ARHGEF7: variants seen among roughly 807,000 people sequenced by gnomAD.
The protein encoded by ARHGEF7 is PAK-interacting exchange factor beta.
A neutral mutation model predicts 109.8 loss-of-function variants in ARHGEF7; 33 were observed. The observed-to-expected ratio is 0.30, with a 90% CI of 0.23 to 0.40. The LOEUF (loss-of-function observed/expected upper bound fraction) is 0.40, where lower values mean the gene tolerates loss of function less well. ARHGEF7 is among the 10% of genes least tolerant of loss of function. ARHGEF7 has a pLI of 1.00. For missense variants in ARHGEF7, 938 were observed against 1,098.5 expected (o/e 0.85, Z 2.07); for synonymous variants, 458 against 424.6 (o/e 1.08, Z -0.97).
At chr13:111,194,715 T>A (rs2080289626) in intron 2 of ARHGEF7, among the ~76,000 whole-genome samples, 1 of 152,200 alleles carries the variant, frequency 6.6e-6, no homozygotes, top group Non-Finnish European at 1.5e-5. Context: ...ACTTGAGAAG[T>A]GGCCTAGATC....
At chr13:111,166,186 A>G (rs2077111116) in intron 2 of ARHGEF7, among the ~76,000 whole-genome samples, 2 of 152,122 alleles carry the variant, frequency 1.3e-5, no homozygotes, top group Admixed American at 1.3e-4. Context: ...TTTTTTTCTG[A>G]AACGCAAGGC....
At chr13:111,119,152 G>A (rs2067003015) in intron 1 of ARHGEF7, among the ~76,000 whole-genome samples, 1 of 152,224 alleles carries the variant, frequency 6.6e-6, no homozygotes, top group Non-Finnish European at 1.5e-5. Context: ...TGTCCGTGCT[G>A]TGGTTTCTTC....
At chr13:111,187,993 G>C (rs1166432192) in intron 2 of ARHGEF7, among the ~76,000 whole-genome samples, 2 of 152,194 alleles carry the variant, frequency 1.3e-5, no homozygotes, top group African/African-American at 4.8e-5. Context: ...TCTTTTCCTT[G>C]AGTACAGGTG....
intron 2 of ARHGEF7, among the ~76,000 whole-genome samples, chr13:111,189,192 G>A (rs991867586): frequency 6.6e-6 from 1 of 152,232 alleles, no homozygotes; most frequent in Non-Finnish European, 1.5e-5. Flanking sequence ...TGGAGCTGGT[G>A]TCTGCCTCTT....
At chr13:111,161,521 G>C (rs1211666272) in intron 2 of ARHGEF7, among the ~76,000 whole-genome samples, 5 of 152,114 alleles carry the variant, frequency 3.3e-5, no homozygotes, top group African/African-American at 1.2e-4. Context: ...AACAGTGCCT[G>C]GTAAGTTGGA....
At chr13:111,161,245 G>A (rs1343270786) in intron 2 of ARHGEF7, among the ~76,000 whole-genome samples, 3 of 152,224 alleles carry the variant, frequency 2.0e-5, no homozygotes, top group African/African-American at 7.2e-5. Flanking sequence ...CTCACAGCTA[G>A]TAATTGTGAC....
intron 8 of ARHGEF7, among the ~76,000 whole-genome samples, chr13:111,265,174 GA>G: frequency 1.3e-5 from 2 of 150,244 alleles, no homozygotes; most frequent in Admixed American, 1.3e-4. Context: ...GGGAATGCTT[GA>G]GTCTGAGGAG....
chr13:111,199,185 G>T (rs2080921723), intron 2 of ARHGEF7, among the ~76,000 whole-genome samples: 1 of 152,190 alleles, frequency 6.6e-6, no homozygotes, highest in African/African-American at 2.4e-5. Context: ...GGCATCACTG[G>T]GCTGGATGTA....
At position 111,280,215 on chromosome 13, in the gene ARHGEF7, C is replaced by A. The variant is rs959400738; in HGVS notation, c.1507-57C>A. 1.1e-5 allele frequency: 17 copies of A among 1,512,958 alleles called. No homozygotes were observed. The East Asian group carries it at 3.9e-4, about 35-fold the overall frequency. The allele number at this position is 1,512,958 out of a possible 1,614,324, so 93.7% of individuals were successfully genotyped here. The stretch of plus-strand genomic sequence containing the variant: ...TTTAATATTGACTTTAATAATGGTA[C>A]CTTTTTCTAGAAAAGCACTAATTGT... On this transcript the variant is annotated intron_variant, in intron 13 of 21. Transcript: ENST00000646102.
At position 111,173,837 on chromosome 13, in the gene ARHGEF7, C is replaced by T. The variant is rs191473869; in HGVS notation, c.252+19846C>T. Among the ~76,000 whole-genome samples the T allele has an allele frequency of 1.2e-3, 181 of 152,062 alleles. 1 individual carries two copies. The highest frequency in any genetic ancestry group is 0.011 in the Admixed American group (161 of 15,274). On this transcript the variant is annotated intron_variant, in intron 2 of 21. Transcript: ENST00000646102. ...GTGGGGTGTGCCCGTGAGACAGGTG[C>T]GGGTGTCTGTAGAGGGATGTGGGTG...
intron 2 of ARHGEF7, among the ~76,000 whole-genome samples, chr13:111,166,659 G>C (rs1475657228): frequency 6.6e-6 from 1 of 152,230 alleles, no homozygotes; most frequent in Non-Finnish European, 1.5e-5. Context: ...AGGACCAAGG[G>C]TTTGGCCTGA....
chr13:111,191,868 A>G (rs1264751418), intron 2 of ARHGEF7, among the ~76,000 whole-genome samples: 1 of 152,190 alleles, frequency 6.6e-6, no homozygotes, highest in African/African-American at 2.4e-5. Flanking sequence ...AAGAAGGTTG[A>G]TAAGATTAGG....
intron 9 of ARHGEF7, among the ~76,000 whole-genome samples, chr13:111,269,998 G>A (rs1447723084): frequency 6.6e-6 from 1 of 152,216 alleles, no homozygotes; most frequent in Non-Finnish European, 1.5e-5. Flanking sequence ...TGGTTCAAGT[G>A]CAGTGGGTTG....
At position 111,277,670 on chromosome 13, in the gene ARHGEF7, TC is replaced by T; in HGVS notation, c.1504del (p.Gln502ArgfsTer9). 6.3e-7 allele frequency: 1 copy of T among 1,581,496 alleles called. No homozygotes were observed. The highest frequency in any genetic ancestry group is 1.3e-5 in the African/African-American group (1 of 74,324). ...GTCCTAGGATGAGTGGCTTTATCTA[TC>T]AGGTAAAACACAATTTAAATTTATA... is the stretch of plus-strand genomic sequence containing the variant. ...ASPRMSGFIY[Q>X]GKLPTTGMTI... is the part of the protein sequence containing the mutation. On this transcript the variant is annotated frameshift_variant and splice_region_variant, in exon 13 of 22. Coordinates refer to ENST00000646102, the MANE Select transcript of ARHGEF7 (RefSeq NM_001354046.2). LOFTEE classifies it high-confidence loss of function.
intron 2 of ARHGEF7, among the ~76,000 whole-genome samples, chr13:111,169,902 TAAA>T (rs2077441865): frequency 6.6e-6 from 1 of 151,980 alleles, no homozygotes; most frequent in Non-Finnish European, 1.5e-5. Context: ...TGTGAACAAA[TAAA>T]ACTGTCATGC....
intron 1 of ARHGEF7, among the ~76,000 whole-genome samples, chr13:111,119,673 T>C (rs9559991): frequency 0.28 from 42,381 of 152,100 alleles, 7,539 homozygotes; most frequent in East Asian, 0.64. Context: ...CCTAGGTGAT[T>C]TTCCACAGGC....
At chr13:111,295,486 G>A (rs1414644195) in intron 19 of ARHGEF7, among the ~76,000 whole-genome samples, 3 of 152,156 alleles carry the variant, frequency 2.0e-5, no homozygotes, top group East Asian at 1.9e-4. Flanking sequence ...TTGTGTGTGC[G>A]CATAAATGGG....
rs200617119 is a variant in ARHGEF7, at chr13:111,160,653, GA to G, written c.252+6672del. ...CGTGGCAAAACCTCATTTCTACAAA[GA>G]AAAAAAAAATCTATTGGACAGTGCT... On this transcript the variant is annotated intron_variant, in intron 2 of 21. Coordinates refer to ENST00000646102, the MANE Select transcript of ARHGEF7 (RefSeq NM_001354046.2). Among the ~76,000 whole-genome samples, 619 of 149,906 alleles carry G rather than the reference GA, an allele frequency of 4.1e-3. 3 individuals are homozygous for G. Among genetic ancestry groups the G allele is most frequent in the South Asian group, 0.011 (51 of 4,756 alleles).
intron 5 of ARHGEF7, among the ~76,000 whole-genome samples, chr13:111,220,896 A>G: frequency 6.6e-6 from 1 of 151,726 alleles, no homozygotes; most frequent in African/African-American, 2.4e-5. Flanking sequence ...CACGGAATCC[A>G]TAGGTGTATT....
Sources: gnomAD v4.1 joint callset for allele counts (sites outside exome capture counted in the v4.1 genomes callset) on GRCh38, gnomAD v4.1.1 for gene constraint, MANE v1.5 for transcripts, NCBI Gene and HGNC (gene_info 2026-07-23, HGNC 2026-07-21) for gene names.